The following CASK variants were observed in gnomAD, a reference collection of about 807,000 sequenced individuals.
The protein encoded by CASK is peripheral plasma membrane protein CASK.
In CASK, 4 loss-of-function variants were observed where a neutral mutation model predicts 82.9. The observed-to-expected ratio is 0.05, with a 90% CI of 0.02 to 0.11. The LOEUF (loss-of-function observed/expected upper bound fraction) is 0.11. Ranked by LOEUF, CASK falls within the 10% of genes least tolerant of loss-of-function variation. The pLI is 1.00. For synonymous variants in CASK, 259 were observed against 253.5 expected (o/e 1.02, Z -0.20); for missense variants, 358 against 720.9 (o/e 0.50, Z 5.76).
At chrX:41,772,322 G>A (rs1165086154) in intron 3 of CASK, among the ~76,000 whole-genome samples, 4 of 92,846 alleles carry the variant, frequency 4.3e-5, no homozygotes, top group African/African-American at 1.6e-4. Flanking sequence ...CTCCAGCCTG[G>A]GCAACAGAGT....
Position 41,636,627 on chromosome X carries a change from G to A in CASK, c.866C>T (p.Pro289Leu). The change falls in exon 9 of 27, where the codon CCA becomes CTA. Residue 289 changes from proline to leucine, a missense_variant. Pro to Leu is a moderately conservative substitution (Grantham distance 98, BLOSUM62 -3). Transcript: ENST00000378163. ...RDRYAYKIHL[P>L]ETVEQLRKFN... ...TTTCCTCAGCTGCTCTACTGTTTCT[G>A]GAAGATGAATCTTGTAGGCGTAACG... The A allele has an allele frequency of 8.4e-7, 1 of 1,193,773 alleles. No homozygotes were observed. Among genetic ancestry groups the A allele is most frequent in the Non-Finnish European group, 1.1e-6 (1 of 879,297 alleles).
intron 5 of CASK, among the ~76,000 whole-genome samples, chrX:41,723,169 G>A (rs772408500): frequency 3.0e-4 from 34 of 112,229 alleles, no homozygotes; most frequent in Non-Finnish European, 4.7e-4. Context: ...TAAGCATTGC[G>A]GGTTTATGAG....
At chrX:41,634,919 T>G (rs997186519) in intron 9 of CASK, among the ~76,000 whole-genome samples, 3 of 112,289 alleles carry the variant, frequency 2.7e-5, no homozygotes, top group African/African-American at 9.7e-5. Context: ...GCCAAGGATT[T>G]TTAAAGCAAA....
At chrX:41,530,913 G>A in intron 25 of CASK, 94 bp downstream of exon 25, 1 of 782,933 alleles carries the variant, frequency 1.3e-6, no homozygotes, top group Non-Finnish European at 1.9e-6. Context: ...ATTATTATGT[G>A]ACCTGTGACT....
intron 2 of CASK, among the ~76,000 whole-genome samples, chrX:41,797,177 A>G (rs1411455546): frequency 9.3e-6 from 1 of 107,991 alleles, no homozygotes; most frequent in African/African-American, 3.4e-5. Flanking sequence ...ACATTTATAC[A>G]TTCCTTTCCA....
At chrX:41,648,669 T>C (rs1471696076) in intron 8 of CASK, among the ~76,000 whole-genome samples, 1 of 111,888 alleles carries the variant, frequency 8.9e-6, no homozygotes, top group African/African-American at 3.2e-5. Context: ...AGAACCTACG[T>C]GATTATCGGG....
At chrX:41,829,271 G>C (rs1197979776) in intron 2 of CASK, among the ~76,000 whole-genome samples, 1 of 110,807 alleles carries the variant, frequency 9.0e-6, no homozygotes, top group Non-Finnish European at 1.9e-5. Flanking sequence ...CTCCCATCAT[G>C]TCCCCTCCCA....
intron 2 of CASK, among the ~76,000 whole-genome samples, chrX:41,840,953 C>A (rs113014304): frequency 4.7e-3 from 526 of 111,983 alleles, no homozygotes; most frequent in African/African-American, 0.016. Flanking sequence ...CAGTTGATGA[C>A]CATTTGGTTT....
intron 11 of CASK, among the ~76,000 whole-genome samples, chrX:41,610,556 C>CT (rs760272146): frequency 0.02 from 2,233 of 109,993 alleles, 39 homozygotes; most frequent in Middle Eastern, 0.028. Flanking sequence ...CAGTCCACTC[C>CT]TTTTTTTTTC....
At chrX:41,920,412 C>T (rs2072762931) in intron 1 of CASK, among the ~76,000 whole-genome samples, 2 of 111,979 alleles carry the variant, frequency 1.8e-5, no homozygotes, top group South Asian at 7.4e-4. Flanking sequence ...AAACCTTCAA[C>T]CTTTACTCAG....
chrX:41,848,236 A>G (rs2071196370), intron 2 of CASK, among the ~76,000 whole-genome samples: 1 of 111,633 alleles, frequency 9.0e-6, no homozygotes, highest in Non-Finnish European at 1.9e-5. Flanking sequence ...TGGTATTGCA[A>G]GAGGGGTTGC....
intron 12 of CASK, among the ~76,000 whole-genome samples, chrX:41,606,501 C>T (rs1027588601): frequency 8.9e-6 from 1 of 111,770 alleles, no homozygotes; most frequent in African/African-American, 3.3e-5. Context: ...AATCCGCCCG[C>T]CTTGGCCTCC....
intron 2 of CASK, among the ~76,000 whole-genome samples, chrX:41,850,532 T>G (rs1324691613): frequency 2.7e-5 from 3 of 112,617 alleles, no homozygotes; most frequent in African/African-American, 9.7e-5. Context: ...AAATAGATTT[T>G]AAATTATCTG....
chrX:41,887,641 A>G (rs1157060840), intron 1 of CASK, among the ~76,000 whole-genome samples: 3 of 111,282 alleles, frequency 2.7e-5, no homozygotes, highest in African/African-American at 9.8e-5. Context: ...CTTTTAATGT[A>G]TCAGGCACAG....
At chrX:41,815,713 A>G (rs62589182) in intron 2 of CASK, among the ~76,000 whole-genome samples, 21,226 of 110,642 alleles carry the variant, frequency 0.19, 1,638 homozygotes, top group Middle Eastern at 0.3. Context: ...AAAATACCCT[A>G]AAGAAATAAA....
chrX:41,675,964 G>A, intron 5 of CASK: 1 of 1,207,649 alleles, frequency 8.3e-7, no homozygotes, highest in East Asian at 3.0e-5. Flanking sequence ...TCTCATAATA[G>A]AACACAGAGA....
At chrX:41,665,699 T>A in intron 6 of CASK, 1 of 413,650 alleles carries the variant, frequency 2.4e-6, no homozygotes. Context: ...CCTATTGAAT[T>A]CTGCATGCTA....
At chrX:41,861,112 A>G (rs1306708650) in intron 1 of CASK, among the ~76,000 whole-genome samples, 1 of 112,193 alleles carries the variant, frequency 8.9e-6, no homozygotes, top group African/African-American at 3.2e-5. Flanking sequence ...TTCATGTAGC[A>G]CACCATCTTC....
rs757809749 is a variant in CASK at position 41,727,306 on chromosome X, C to T, written c.429+12078G>A. The T allele has an allele frequency of 5.0e-6, 6 of 1,207,654 alleles. No individual in the cohort carries two copies. In the Admixed American group the frequency reaches 1.3e-4, roughly 26 times the overall value. ...TGCTCAATGCAGAGTGGTCAATTTT[C>T]TGGGAACTCTATCCATGCATGCAAG... On this transcript the variant is annotated intron_variant, in intron 5 of 26. Coordinates refer to ENST00000378163, the MANE Select transcript of CASK (RefSeq NM_001367721.1).
Sources: gnomAD v4.1 joint callset for allele counts (sites outside exome capture counted in the v4.1 genomes callset) on GRCh38, gnomAD v4.1.1 for gene constraint, MANE v1.5 for transcripts, NCBI Gene and HGNC (gene_info 2026-07-23, HGNC 2026-07-21) for gene names.